Variants in TBC1D5 observed in about 807,000 individuals in gnomAD.
The protein encoded by TBC1D5 is TBC1 domain family, member 5.
A neutral mutation model predicts 100.3 loss-of-function variants in TBC1D5; 75 were observed. The ratio of observed to expected loss-of-function variants is 0.75; its 90% CI spans 0.62 to 0.91. The LOEUF is 0.91. Ranked by LOEUF, TBC1D5 falls within the 40% of genes least tolerant of loss-of-function variation. The pLI, the probability that TBC1D5 is intolerant of heterozygous loss-of-function variation, is 0.00. For synonymous variants in TBC1D5, 323 were observed against 325.6 expected (o/e 0.99, Z 0.09); for missense variants, 910 against 942.4 (o/e 0.97, Z 0.45).
chr3:17,611,371 C>T (rs1415446314), intron 2 of TBC1D5, among the ~76,000 whole-genome samples: 1 of 151,758 alleles, frequency 6.6e-6, no homozygotes, highest in African/African-American at 2.4e-5. Flanking sequence ...AGATCTAGAA[C>T]AAATAGAGTT....
chr3:17,708,473 T>C (rs2074392334), intron 1 of TBC1D5, among the ~76,000 whole-genome samples: 1 of 152,244 alleles, frequency 6.6e-6, no homozygotes. Context: ...TAAAAGACAG[T>C]TTCTCAACCT....
chr3:17,186,034 GTTTTTTTTT>G (rs1352828832), intron 18 of TBC1D5, among the ~76,000 whole-genome samples: 1 of 134,754 alleles, frequency 7.4e-6, no homozygotes, highest in Non-Finnish European at 1.6e-5. Flanking sequence ...GATTATCGGA[GTTTTTTTTT>G]TTTTTAAGAG....
At chr3:17,641,023 T>A (rs771329272) in intron 1 of TBC1D5, among the ~76,000 whole-genome samples, 3 of 152,132 alleles carry the variant, frequency 2.0e-5, no homozygotes, top group South Asian at 4.1e-4. Context: ...TGCTTTCCTT[T>A]CATCTACTAC....
intron 2 of TBC1D5, among the ~76,000 whole-genome samples, chr3:17,508,915 CTT>C (rs1397230290): frequency 6.6e-6 from 1 of 151,984 alleles, no homozygotes; most frequent in African/African-American, 2.4e-5. Flanking sequence ...TTATAGCATC[CTT>C]TTGTTTTACA....
intron 2 of TBC1D5, among the ~76,000 whole-genome samples, chr3:17,574,119 G>A (rs1156401798): frequency 6.6e-6 from 1 of 151,942 alleles, no homozygotes; most frequent in African/African-American, 2.4e-5. Flanking sequence ...GCCTCTCTAA[G>A]CTGTACTCCC....
chr3:17,677,956 T>C (rs1025190830), intron 1 of TBC1D5, among the ~76,000 whole-genome samples: 2 of 151,914 alleles, frequency 1.3e-5, no homozygotes, highest in African/African-American at 2.4e-5. Context: ...ATGAGAACAC[T>C]TGGACACAGG....
chr3:17,535,275 C>T (rs2096270901), intron 2 of TBC1D5, among the ~76,000 whole-genome samples: 1 of 152,120 alleles, frequency 6.6e-6, no homozygotes, highest in African/African-American at 2.4e-5. Context: ...AGCTATCTCC[C>T]AACAGGTTTA....
At chr3:17,317,597 TTATATC>T (rs2084854640) in intron 13 of TBC1D5, among the ~76,000 whole-genome samples, 1 of 152,242 alleles carries the variant, frequency 6.6e-6, no homozygotes, top group African/African-American at 2.4e-5. Flanking sequence ...TTACAATCAA[TTATATC>T]TATGTGTATA....
At chr3:17,240,269 T>C (rs1449880) in intron 16 of TBC1D5, among the ~76,000 whole-genome samples, 8,161 of 152,244 alleles carry the variant, frequency 0.054, 451 homozygotes, top group East Asian at 0.2. Context: ...ATTTAAAATA[T>C]GAAATTCAGC....
At chr3:17,231,757 G>A (rs1368891737) in intron 17 of TBC1D5, among the ~76,000 whole-genome samples, 5 of 152,102 alleles carry the variant, frequency 3.3e-5, no homozygotes, top group African/African-American at 7.2e-5. Context: ...AATCAGGTAG[G>A]TGTACTCTCA....
intron 18 of TBC1D5, among the ~76,000 whole-genome samples, chr3:17,191,151 A>C (rs1233282354): frequency 6.6e-6 from 1 of 152,192 alleles, no homozygotes; most frequent in African/African-American, 2.4e-5. Flanking sequence ...GTGCAGCCAT[A>C]CTGGTGAACA....
chr3:17,293,641 G>C (rs1328652902), intron 14 of TBC1D5, among the ~76,000 whole-genome samples: 2 of 152,148 alleles, frequency 1.3e-5, no homozygotes, highest in Non-Finnish European at 2.9e-5. Flanking sequence ...TTATTTGACT[G>C]CTTTATTCAA....
chr3:17,536,403 A>G (rs2096281904), intron 2 of TBC1D5, among the ~76,000 whole-genome samples: 1 of 152,252 alleles, frequency 6.6e-6, no homozygotes, highest in African/African-American at 2.4e-5. Flanking sequence ...ACACATATTT[A>G]CCAACTTATC....
intron 1 of TBC1D5, among the ~76,000 whole-genome samples, chr3:17,720,935 G>T (rs1391315013): frequency 6.6e-6 from 1 of 151,934 alleles, no homozygotes; most frequent in East Asian, 1.9e-4. Flanking sequence ...TGCCTCTTGG[G>T]TTCAAGCGAT....
At chr3:17,518,514 T>C (rs925705295) in intron 2 of TBC1D5, among the ~76,000 whole-genome samples, 1 of 152,108 alleles carries the variant, frequency 6.6e-6, no homozygotes, top group Admixed American at 6.5e-5. Flanking sequence ...ACCCACCCCA[T>C]CTCCTTTCCA....
chr3:17,261,412 G>A (rs892514519), intron 15 of TBC1D5, among the ~76,000 whole-genome samples: 1 of 137,956 alleles, frequency 7.2e-6, no homozygotes, highest in African/African-American at 2.7e-5. Context: ...TTAAATGAGC[G>A]GAATTCTCAC....
intron 4 of TBC1D5, among the ~76,000 whole-genome samples, chr3:17,423,359 T>C (rs1222049419): frequency 6.6e-6 from 1 of 152,118 alleles, no homozygotes; most frequent in Non-Finnish European, 1.5e-5. Flanking sequence ...AGTCTATAAA[T>C]TTTTTAAGTC....
intron 14 of TBC1D5, among the ~76,000 whole-genome samples, chr3:17,307,091 T>C (rs1218338429): frequency 6.6e-6 from 1 of 152,164 alleles, no homozygotes; most frequent in Non-Finnish European, 1.5e-5. Context: ...AAAATTAGTG[T>C]TACTAGAGGC....
At chr3:17,598,977 C>T (rs999220075) in intron 2 of TBC1D5, among the ~76,000 whole-genome samples, 2 of 152,094 alleles carry the variant, frequency 1.3e-5, no homozygotes, top group Admixed American at 1.3e-4. Context: ...AGGTACAGTA[C>T]CAATAACCAA....
Sources: allele counts gnomAD v4.1 joint callset (sites outside exome capture counted in the v4.1 genomes callset), GRCh38; gene constraint gnomAD v4.1.1; transcripts MANE v1.5; gene names NCBI Gene and HGNC (gene_info 2026-07-23, HGNC 2026-07-21).